Variants in SGCZ observed in about 807,000 individuals in gnomAD.
SGCZ encodes the protein sarcoglycan zeta.
SGCZ carries 40 observed loss-of-function variants against 41.3 expected under a neutral mutation model. The ratio of observed to expected loss-of-function variants is 0.97; its 90% CI spans 0.75 to 1.26. The LOEUF (loss-of-function observed/expected upper bound fraction) is 1.26. Among genes scored for constraint, SGCZ ranks in the 50% most tolerant of loss-of-function variants. The probability of loss-of-function intolerance (pLI) is 0.00; values close to 1 mark genes in which losing one functional copy is unlikely to be tolerated. For synonymous variants in SGCZ, 206 were observed against 137.5 expected, an observed-to-expected ratio of 1.50 and a Z score of -3.49; for missense variants, 552 against 369.8, an observed-to-expected ratio of 1.49 and a Z score of -4.04.
intron 1 of SGCZ, among the ~76,000 whole-genome samples, chr8:14,719,213 A>G (rs1170961192): frequency 2.0e-5 from 3 of 149,446 alleles, no homozygotes; most frequent in Non-Finnish European, 4.4e-5. Flanking sequence ...ATAGTATTCC[A>G]TGGTGTATAT....
intron 1 of SGCZ, among the ~76,000 whole-genome samples, chr8:14,748,952 T>C (rs1343200162): frequency 2.6e-5 from 4 of 152,282 alleles, no homozygotes; most frequent in East Asian, 3.9e-4. Flanking sequence ...TTAGGAAATA[T>C]ACATATTTAT....
At chr8:14,336,311 T>C (rs982694561) in intron 2 of SGCZ, among the ~76,000 whole-genome samples, 1 of 152,130 alleles carries the variant, frequency 6.6e-6, no homozygotes, top group Non-Finnish European at 1.5e-5. Flanking sequence ...TTTTATTCAG[T>C]CTACAAATGA....
chr8:14,398,737 T>C (rs187748369), intron 2 of SGCZ, among the ~76,000 whole-genome samples: 5 of 152,132 alleles, frequency 3.3e-5, no homozygotes, highest in East Asian at 1.9e-4. Flanking sequence ...TGGATATGCA[T>C]TGTTAAACTA....
chr8:14,427,507 C>A (rs555668717), intron 2 of SGCZ, among the ~76,000 whole-genome samples: 1 of 152,214 alleles, frequency 6.6e-6, no homozygotes, highest in Non-Finnish European at 1.5e-5. Flanking sequence ...CCACTCCCCA[C>A]TCGTTGCGTT....
chr8:14,865,982 T>C (rs1803917298), intron 1 of SGCZ, among the ~76,000 whole-genome samples: 1 of 152,142 alleles, frequency 6.6e-6, no homozygotes, highest in Non-Finnish European at 1.5e-5. Flanking sequence ...GCTAAGTTTC[T>C]GGAGAAAATT....
chr8:14,294,608 A>C (rs111933188), intron 3 of SGCZ, among the ~76,000 whole-genome samples: 13 of 152,092 alleles, frequency 8.5e-5, no homozygotes, highest in African/African-American at 2.4e-4. Flanking sequence ...CTTGAAGAAA[A>C]CTGAGAAGAA....
rs1299237719 is a variant in SGCZ at position 14,570,085 on chromosome 8, A to G, written c.40-15159T>C. Among the ~76,000 whole-genome samples the G allele has an allele frequency of 3.3e-5, 5 of 152,022 alleles. No individual in the cohort carries two copies. The South Asian group carries it at 8.3e-4, about 25-fold the overall frequency. Reference sequence around the variant, plus strand: ...TTATCTCTGCCTAGCATCAAATGAAATATTTATCTGTTGATTTTCTGTCAC... The same window carrying G: ...TTATCTCTGCCTAGCATCAAATGAAGTATTTATCTGTTGATTTTCTGTCAC... On this transcript the variant is annotated intron_variant, in intron 1 of 7. Transcript: ENST00000382080.
chr8:14,702,820 G>GATAGATAGATAGATAGATAC lies in SGCZ; in HGVS notation c.40-147895_40-147894insGTATCTATCTATCTATCTAT, dbSNP rs1282719268. ...AGACAGGTAGGTAGTTAGGTAGATAGATAGATAGATAGATAGATAGATAGA... is the reference window on the plus strand; with the variant it reads ...AGACAGGTAGGTAGTTAGGTAGATAGATAGATAGATAGATAGATACATAGATAGATAGATAGATAGATAGA... On this transcript the variant is annotated intron_variant, in intron 1 of 7. Coordinates refer to ENST00000382080, the MANE Select transcript of SGCZ (RefSeq NM_139167.4). Among the ~76,000 whole-genome samples, 32 of 12,906 alleles carry GATAGATAGATAGATAGATAC rather than the reference G, an allele frequency of 2.5e-3. 2 individuals are homozygous for GATAGATAGATAGATAGATAC. The highest frequency in any genetic ancestry group is 7.0e-3 in the African/African-American group (31 of 4,406). The allele number at this position is 12,906 out of a possible 152,430, so 8.5% of individuals were successfully genotyped here.
intron 5 of SGCZ, among the ~76,000 whole-genome samples, chr8:14,136,241 A>G (rs1007500594): frequency 6.6e-6 from 1 of 152,172 alleles, no homozygotes; most frequent in African/African-American, 2.4e-5. Context: ...AGTGACGCAG[A>G]AGACAGGTGA....
chr8:14,402,762 G>T (rs1012533380), intron 2 of SGCZ, among the ~76,000 whole-genome samples: 1 of 146,516 alleles, frequency 6.8e-6, no homozygotes, highest in African/African-American at 2.7e-5. Context: ...GGATTGACTT[G>T]GCCATGCGGG....
At chr8:14,241,002 C>T (rs565455918) in intron 3 of SGCZ, among the ~76,000 whole-genome samples, 2 of 152,228 alleles carry the variant, frequency 1.3e-5, no homozygotes, top group South Asian at 2.1e-4. Context: ...CACCAACATA[C>T]CACCTCTTAA....
At chr8:14,137,742 T>C (rs1213973438) in intron 5 of SGCZ, among the ~76,000 whole-genome samples, 3 of 152,204 alleles carry the variant, frequency 2.0e-5, no homozygotes, top group Non-Finnish European at 4.4e-5. Flanking sequence ...TGGACCCAAG[T>C]TGGAAAACAC....
chr8:15,188,583 C>G (rs1260224134), intron 1 of SGCZ, among the ~76,000 whole-genome samples: 5 of 152,208 alleles, frequency 3.3e-5, no homozygotes, highest in African/African-American at 1.2e-4. Flanking sequence ...TCTCTAAATA[C>G]TAAAAACATT....
intron 1 of SGCZ, among the ~76,000 whole-genome samples, chr8:14,966,204 T>A (rs1316185954): frequency 6.6e-6 from 1 of 151,640 alleles, no homozygotes; most frequent in East Asian, 1.9e-4. Flanking sequence ...AAGGCAAGAA[T>A]GACTCCTATA....
intron 1 of SGCZ, among the ~76,000 whole-genome samples, chr8:14,890,743 T>A (rs904231959): frequency 6.6e-6 from 1 of 152,230 alleles, no homozygotes; most frequent in Non-Finnish European, 1.5e-5. Context: ...CATTTAAGAC[T>A]TTCATAGCCA....
At chr8:15,115,649 A>G (rs575055344) in intron 1 of SGCZ, among the ~76,000 whole-genome samples, 63 of 152,334 alleles carry the variant, frequency 4.1e-4, no homozygotes, top group Non-Finnish European at 5.6e-4. Flanking sequence ...GGTGACAAGG[A>G]ATGTTAGTAT....
chr8:14,675,403 G>C (rs901944462), intron 1 of SGCZ, among the ~76,000 whole-genome samples: 2 of 151,900 alleles, frequency 1.3e-5, no homozygotes, highest in African/African-American at 4.8e-5. Context: ...CCATTTTAGA[G>C]GTATGTAATT....
At chr8:15,062,375 C>T (rs1264066831) in intron 1 of SGCZ, among the ~76,000 whole-genome samples, 1 of 152,056 alleles carries the variant, frequency 6.6e-6, no homozygotes, top group Non-Finnish European at 1.5e-5. Flanking sequence ...AAATTTAAGA[C>T]TTATAACCAA....
chr8:15,029,073 A>G (rs1400771529), intron 1 of SGCZ, among the ~76,000 whole-genome samples: 1 of 152,110 alleles, frequency 6.6e-6, no homozygotes, highest in Non-Finnish European at 1.5e-5. Flanking sequence ...AGACTCAAAG[A>G]TTAGCATTCC....
Sources: allele counts gnomAD v4.1 joint callset (sites outside exome capture counted in the v4.1 genomes callset), GRCh38; gene constraint gnomAD v4.1.1; transcripts MANE v1.5; gene names NCBI Gene and HGNC (gene_info 2026-07-23, HGNC 2026-07-21).